The following MAST2 variants were observed in gnomAD, a reference collection of about 807,000 sequenced individuals.
MAST2 encodes microtubule associated serine/threonine kinase 2.
MAST2 carries 70 observed loss-of-function variants against 147.4 expected under a neutral mutation model. The observed-to-expected ratio is 0.47, with a 90% CI of 0.39 to 0.58. The LOEUF (loss-of-function observed/expected upper bound fraction) is 0.58. Among genes scored for constraint, MAST2 ranks in the 20% least tolerant of loss-of-function variants. MAST2 has a pLI of 0.00. For missense variants in MAST2, 2,080 were observed against 2,302.3 expected, an observed-to-expected ratio of 0.90 and a Z score of 1.98; for synonymous variants, 869 against 896.8, an observed-to-expected ratio of 0.97 and a Z score of 0.55.
chr1:46,016,641 A>C (rs1440417833), intron 10 of MAST2, among the ~76,000 whole-genome samples: 1 of 133,054 alleles, frequency 7.5e-6, no homozygotes, highest in African/African-American at 2.7e-5. Context: ...GACCTCTTCA[A>C]GGAGAACTAC....
At chr1:45,963,796 A>G (rs1372253979) in intron 5 of MAST2, among the ~76,000 whole-genome samples, 4 of 152,130 alleles carry the variant, frequency 2.6e-5, no homozygotes, top group East Asian at 3.8e-4. Flanking sequence ...TTCCAACACT[A>G]TGTTGAATAG....
intron 4 of MAST2, chr1:45,917,259 C>A: frequency 9.8e-7 from 1 of 1,022,272 alleles, no homozygotes. Flanking sequence ...TTGCCTAAAC[C>A]AAGCCACTTT....
At chr1:45,987,985 TAAG>T (rs1644716935) in intron 5 of MAST2, among the ~76,000 whole-genome samples, 1 of 151,866 alleles carries the variant, frequency 6.6e-6, no homozygotes, top group South Asian at 2.1e-4. Flanking sequence ...ATTTTCCCCC[TAAG>T]AACTGCTTTA....
intron 4 of MAST2, among the ~76,000 whole-genome samples, chr1:45,883,086 A>G (rs1646918872): frequency 6.6e-6 from 1 of 152,168 alleles, no homozygotes; most frequent in Non-Finnish European, 1.5e-5. Flanking sequence ...TGTACTGTAT[A>G]TACCTAAAAC....
intron 10 of MAST2, among the ~76,000 whole-genome samples, chr1:46,017,515 G>A (rs1308257153): frequency 6.6e-6 from 1 of 152,062 alleles, no homozygotes; most frequent in African/African-American, 2.4e-5. Flanking sequence ...AAGGACATGA[G>A]CAGACACTTC....
intron 4 of MAST2, among the ~76,000 whole-genome samples, chr1:45,952,372 G>T (rs1054284314): frequency 6.6e-6 from 1 of 152,090 alleles, no homozygotes; most frequent in African/African-American, 2.4e-5. Context: ...GGTTGGTTGT[G>T]GGGAGAATGG....
intron 10 of MAST2, 110 bp from the exon 11 acceptor site, chr1:46,019,486 T>C: frequency 1.3e-6 from 1 of 798,876 alleles, no homozygotes; most frequent in South Asian, 1.6e-5. Context: ...TTTGCGGAGC[T>C]CTCTATGCTA....
intron 4 of MAST2, among the ~76,000 whole-genome samples, chr1:45,888,358 T>G (rs142150573): frequency 1.9e-3 from 290 of 152,262 alleles, no homozygotes; most frequent in Middle Eastern, 3.4e-3. Context: ...TCTGTCTTTA[T>G]TTTTATTTTA....
intron 3 of MAST2, among the ~76,000 whole-genome samples, chr1:45,837,786 A>G (rs544248097): frequency 3.3e-5 from 5 of 151,258 alleles, no homozygotes; most frequent in African/African-American, 1.2e-4. Flanking sequence ...ATTATCATAT[A>G]TTTTTTTTTG....
rs973888568 is a variant in MAST2, at chr1:45,848,026, G to A, written c.468+18445G>A. Among the ~76,000 whole-genome samples the A allele has an allele frequency of 4.6e-5, 7 of 152,158 alleles. No homozygotes were observed. The South Asian group carries it at 8.3e-4, about 18-fold the overall frequency. ...TACTAGACCCTATTCCTAGTTTAACGTATGTTCTCCTTTATTTTCTCCAGA... is the reference window on the plus strand; with the variant it reads ...TACTAGACCCTATTCCTAGTTTAACATATGTTCTCCTTTATTTTCTCCAGA... On this transcript the variant is annotated intron_variant, in intron 3 of 28. Transcript: ENST00000361297.
intron 4 of MAST2, among the ~76,000 whole-genome samples, chr1:45,936,199 C>T (rs536422711): frequency 6.6e-6 from 1 of 152,246 alleles, no homozygotes; most frequent in South Asian, 2.1e-4. Context: ...TCAGCTTGGA[C>T]GTCATTGGAG....
At chr1:45,902,572 C>T (rs1225556152) in intron 4 of MAST2, among the ~76,000 whole-genome samples, 2 of 151,130 alleles carry the variant, frequency 1.3e-5, no homozygotes, top group Admixed American at 6.6e-5. Context: ...CTTCTTTGTA[C>T]ATCTGGTAGA....
intron 3 of MAST2, among the ~76,000 whole-genome samples, chr1:45,870,106 T>C (rs1202971416): frequency 6.6e-6 from 1 of 152,162 alleles, no homozygotes; most frequent in Non-Finnish European, 1.5e-5. Context: ...GTAGTTTTAG[T>C]AGAGACAGGC....
intron 2 of MAST2, among the ~76,000 whole-genome samples, chr1:45,824,858 T>A (rs1324740356): frequency 1.3e-5 from 2 of 152,240 alleles, no homozygotes; most frequent in Non-Finnish European, 2.9e-5. Context: ...AACTTTATAT[T>A]CTTTGCTTCT....
chr1:45,970,119 T>TCCGG (rs1213338700), intron 5 of MAST2, among the ~76,000 whole-genome samples: 1 of 152,204 alleles, frequency 6.6e-6, no homozygotes, highest in African/African-American at 2.4e-5. Context: ...AACAGAATGC[T>TCCGG]CCGGCGCGTA....
chr1:46,029,931 G>T lies in MAST2; in HGVS notation c.2421G>T (p.Glu807Asp). Residue 807 changes from glutamate to aspartate, a missense_variant, in exon 20 of 29, where the codon GAG (glutamate) becomes GAT (aspartate). Physicochemically the swap from Glu to Asp is conservative, Grantham distance 45. Around this residue, in one of 4 missense-constraint regions of MAST2, gnomAD observed 1,278 missense variants for 1,304.2 expected, o/e 0.98. Transcript: ENST00000361297. ...KAEFIPQLESEDDTSYFDTRS... is the reference protein window; with the variant it reads ...KAEFIPQLESDDDTSYFDTRS... ...AATTTATTCCTCAGTTGGAGTCAGA[G>T]GATGATACTAGCTATTTTGACAGTA... The T allele has an allele frequency of 6.2e-7, 1 of 1,614,190 alleles. No homozygotes were observed. The highest frequency in any genetic ancestry group is 1.1e-5 in the South Asian group (1 of 91,076).
chr1:45,995,921 G>A (rs952132455), intron 5 of MAST2, among the ~76,000 whole-genome samples: 1 of 152,036 alleles, frequency 6.6e-6, no homozygotes, highest in Non-Finnish European at 1.5e-5. Flanking sequence ...AAGTAATCTG[G>A]TAAAGGACCC....
rs1341134052 is a variant in MAST2 at position 45,824,344 on chromosome 1, A to G, written c.178-89A>G. ...TAATATTTTGGCACTTTTAAATTGT[A>G]GTGAATGCTGTAGAGATGTTTAATA... is the stretch of plus-strand genomic sequence containing the variant. On this transcript the variant is annotated intron_variant, in intron 1 of 28. Transcript: ENST00000361297. 6.3e-6 allele frequency: 6 copies of G among 946,068 alleles called. No individual in the cohort carries two copies. The East Asian group carries it at 1.4e-4, about 22-fold the overall frequency. The allele number at this position is 946,068 out of a possible 1,614,324, so 58.6% of individuals were successfully genotyped here. A position where few individuals can be genotyped will look rare whatever the true frequency, so the allele number is the denominator to read the frequency against.
chr1:46,008,433 C>G, intron 9 of MAST2, 62 bp downstream of exon 9: 2 of 1,045,626 alleles, frequency 1.9e-6, no homozygotes, highest in Non-Finnish European at 3.0e-6. Context: ...ACAGCCAGCC[C>G]CAATGGGAGA....
Sources: allele counts gnomAD v4.1 joint callset (sites outside exome capture counted in the v4.1 genomes callset), GRCh38; gene constraint gnomAD v4.1.1; regional missense constraint gnomAD v4.1.1; transcripts MANE v1.5; gene names NCBI Gene and HGNC (gene_info 2026-07-23, HGNC 2026-07-21).